Variants in GNA12 observed in about 807,000 individuals in gnomAD.
GNA12 encodes guanine nucleotide-binding protein subunit alpha-12.
In GNA12, 9 loss-of-function variants were observed where a neutral mutation model predicts 26.0. That is an observed-to-expected ratio of 0.35 (90% CI 0.21 to 0.60). GNA12 has a LOEUF of 0.60. Among genes scored for constraint, GNA12 ranks in the 20% least tolerant of loss-of-function variants. The pLI is 0.78. For synonymous variants in GNA12, 264 were observed against 219.6 expected, an observed-to-expected ratio of 1.20 and a Z score of -1.79; for missense variants, 405 against 525.8, an observed-to-expected ratio of 0.77 and a Z score of 2.25.
rs73047379 is a variant in GNA12, at chr7:2,729,130, G to A, written c.*2051C>T. Reference sequence around the variant, plus strand: ...CTACGCGAATCACAGCGCTGCTGTCGCCAACAGCGCCGCGAAGAGGCTCTC... The same window carrying A: ...CTACGCGAATCACAGCGCTGCTGTCACCAACAGCGCCGCGAAGAGGCTCTC... On this transcript the variant is annotated 3_prime_UTR_variant, in exon 4 of 4. Coordinates refer to ENST00000275364, the MANE Select transcript of GNA12 (RefSeq NM_007353.3). 3.8e-3 allele frequency: 579 copies of A among 152,514 alleles called. 4 individuals are homozygous for A. Among genetic ancestry groups the A allele is most frequent in the Non-Finnish European group, 5.9e-3 (403 of 68,054 alleles). 9.4% of individuals were successfully genotyped at this position (152,514 alleles called of 1,614,324 possible).
At chr7:2,809,812 G>A (rs893912289) in intron 1 of GNA12, among the ~76,000 whole-genome samples, 1 of 152,134 alleles carries the variant, frequency 6.6e-6, no homozygotes, top group Non-Finnish European at 1.5e-5. Flanking sequence ...TTATGTAAAT[G>A]TAAATATTAC....
At chr7:2,789,044 C>G (rs917974615) in intron 2 of GNA12, among the ~76,000 whole-genome samples, 3 of 151,542 alleles carry the variant, frequency 2.0e-5, no homozygotes, top group African/African-American at 7.3e-5. Flanking sequence ...TGGTCTTGAA[C>G]TGACCTCAAG....
rs200976303 is a variant in GNA12 at position 2,751,414 on chromosome 7, C to A, written c.526-17913G>T. Among the ~76,000 whole-genome samples the A allele has an allele frequency of 1.7e-3, 232 of 134,088 alleles. 1 individual carries two copies. The highest frequency in any genetic ancestry group is 5.6e-3 in the African/African-American group (202 of 36,378). 88.0% of individuals were successfully genotyped at this position (134,088 alleles called of 152,430 possible). ...AAAGAAAAAAGAAAAAAAAAAAAAA[C>A]AGCTTATAGAAGAGAAAAAATGATC... On this transcript the variant is annotated intron_variant, in intron 2 of 3. Coordinates refer to ENST00000275364, the MANE Select transcript of GNA12 (RefSeq NM_007353.3).
At position 2,733,459 on chromosome 7, in the gene GNA12, C is replaced by A; in HGVS notation, c.568G>T (p.Gly190Cys). Residue 190 changes from glycine to cysteine, a missense_variant, in exon 3 of 4, where the codon GGC becomes TGC. Coordinates refer to ENST00000275364, the MANE Select transcript of GNA12 (RefSeq NM_007353.3). ...KYFLDNLDRI[G>C]QLNYFPSKQD... ...CGGGCGTGCTTACTCACCAGCTGGC[C>A]GATCCGGTCCAAGTTGTCCAGGAAG... 6.2e-7 allele frequency: 1 copy of A among 1,613,746 alleles called. No homozygotes were observed. Among genetic ancestry groups the A allele is most frequent in the East Asian group, 2.2e-5 (1 of 44,870 alleles).
At chr7:2,762,703 G>A (rs1178251642) in intron 2 of GNA12, 2 of 1,570,356 alleles carry the variant, frequency 1.3e-6, no homozygotes, top group African/African-American at 1.4e-5. Flanking sequence ...CCGGGTGGAG[G>A]AGCGCCAGAG....
At chr7:2,778,588 T>C (rs1037996746) in intron 2 of GNA12, among the ~76,000 whole-genome samples, 4 of 152,166 alleles carry the variant, frequency 2.6e-5, no homozygotes, top group Non-Finnish European at 4.4e-5. Context: ...CTCAGGGAGA[T>C]GAATGGAAGA....
chr7:2,767,914 G>C (rs1030995260), intron 2 of GNA12, among the ~76,000 whole-genome samples: 1 of 152,200 alleles, frequency 6.6e-6, no homozygotes, highest in African/African-American at 2.4e-5. Context: ...GAGTGCAGTG[G>C]TACAATCTCG....
At chr7:2,811,310 G>A (rs77469222) in intron 1 of GNA12, among the ~76,000 whole-genome samples, 1,620 of 152,266 alleles carry the variant, frequency 0.011, 34 homozygotes, top group African/African-American at 0.037. Flanking sequence ...AGAGCACAGC[G>A]ACTGTGCTGC....
At chr7:2,802,133 T>C (rs992512101) in intron 1 of GNA12, among the ~76,000 whole-genome samples, 5 of 152,124 alleles carry the variant, frequency 3.3e-5, no homozygotes, top group Admixed American at 2.0e-4. Flanking sequence ...CTCATTCAAG[T>C]CTCTTTAATA....
chr7:2,806,485 GA>G (rs1371180246), intron 1 of GNA12, among the ~76,000 whole-genome samples: 2 of 139,018 alleles, frequency 1.4e-5, no homozygotes. Flanking sequence ...AAAAGAAAAA[GA>G]AAAAAGAAGA....
In GNA12 at chr7:2,731,589, C is replaced by A; in HGVS notation, c.738G>T (p.Thr246=). 2 of 1,613,652 alleles carry A rather than the reference C, an allele frequency of 1.2e-6. No individual in the cohort carries two copies. The highest frequency in any genetic ancestry group is 1.7e-6 in the Non-Finnish European group (2 of 1,179,792). ...QKWFQCFDGI[T]SILFMVSSSE... ...TGGAGGAGACCATGAACAGGATGGA[C>A]GTGATCCCGTCGAAGCACTGGAACC... Residue 246 remains threonine (T), a synonymous_variant, in exon 4 of 4, where the codon ACG becomes ACT. Coordinates refer to ENST00000275364, the MANE Select transcript of GNA12 (RefSeq NM_007353.3). This position sits in a 1 kb window ranked among gnomAD's most constrained non-coding sequence, Gnocchi z 6.0.
intron 2 of GNA12, among the ~76,000 whole-genome samples, chr7:2,781,221 G>A (rs1184911629): frequency 6.6e-6 from 1 of 152,110 alleles, no homozygotes; most frequent in African/African-American, 2.4e-5. Flanking sequence ...TTAATTTTAT[G>A]GGAGTCAAAT....
intron 1 of GNA12, among the ~76,000 whole-genome samples, chr7:2,838,760 T>C (rs1293884469): frequency 6.6e-6 from 1 of 152,204 alleles, no homozygotes; most frequent in Non-Finnish European, 1.5e-5. Flanking sequence ...TATTAAAATA[T>C]CTGATAATGG....
At chr7:2,754,696 C>T (rs1039027074) in intron 2 of GNA12, among the ~76,000 whole-genome samples, 1 of 152,148 alleles carries the variant, frequency 6.6e-6, no homozygotes, top group Non-Finnish European at 1.5e-5. Flanking sequence ...CTGCAGTGAG[C>T]TATGATCACA....
intron 1 of GNA12, chr7:2,835,745 T>G: frequency 9.5e-6 from 6 of 633,032 alleles, no homozygotes; most frequent in Non-Finnish European, 1.8e-5. Context: ...GAAATAGAAG[T>G]AAAACAGAAA....
chr7:2,841,785 T>A (rs747431986), intron 1 of GNA12, among the ~76,000 whole-genome samples: 4 of 152,154 alleles, frequency 2.6e-5, no homozygotes, highest in Non-Finnish European at 5.9e-5. Context: ...GGAGTCCTTA[T>A]GGGTAAGTGA....
chr7:2,744,076 A>G (rs866284504), intron 2 of GNA12, among the ~76,000 whole-genome samples: 7 of 152,356 alleles, frequency 4.6e-5, no homozygotes, highest in Middle Eastern at 6.8e-3. Context: ...CTGCCTCTGT[A>G]GGTTCCCCCT....
At chr7:2,733,336 G>C (rs938634237) in intron 3 of GNA12, 115 bp downstream of exon 3, 2 of 814,844 alleles carry the variant, frequency 2.5e-6, no homozygotes, top group Admixed American at 2.0e-5. Context: ...TAATGTGACA[G>C]AACAAGCTCG....
intron 1 of GNA12, among the ~76,000 whole-genome samples, chr7:2,814,119 T>A (rs991319048): frequency 5.9e-5 from 9 of 152,150 alleles, no homozygotes; most frequent in African/African-American, 2.2e-4. Flanking sequence ...GAATCACGCC[T>A]CGGGCTTCCC....
Sources: gnomAD v4.1 joint callset for allele counts (sites outside exome capture counted in the v4.1 genomes callset) on GRCh38, gnomAD v4.1.1 for gene constraint, Gnocchi (gnomAD v3.1) non-coding constraint, MANE v1.5 for transcripts, NCBI Gene and HGNC (gene_info 2026-07-23, HGNC 2026-07-21) for gene names.